USP6NL: variants seen among roughly 807,000 people sequenced by gnomAD.
The protein encoded by USP6NL is USP6 N-terminal-like protein.
USP6NL carries 26 observed loss-of-function variants against 61.9 expected under a neutral mutation model. The observed-to-expected ratio is 0.42, with a 90% CI of 0.31 to 0.58. The LOEUF is 0.58. Ranked by LOEUF, USP6NL falls within the 20% of genes least tolerant of loss-of-function variation. USP6NL has a pLI of 0.16. For synonymous variants in USP6NL, 432 were observed against 390.1 expected, an observed-to-expected ratio of 1.11 and a Z score of -1.27; for missense variants, 1,114 against 1,034.3, an observed-to-expected ratio of 1.08 and a Z score of -1.06.
In USP6NL at chr10:11,592,152, G is replaced by A. The variant is rs962362157; in HGVS notation, c.4+5479C>T. Among the ~76,000 whole-genome samples the A allele has an allele frequency of 1.3e-5, 2 of 152,176 alleles. No homozygotes were observed. The highest frequency in any genetic ancestry group is 2.4e-5 in the African/African-American group (1 of 41,436). ...CTCCCAAAGTATTGGCATTACAGCC[G>A]TGAGCCACCACACTCGGCCTCAGAA... On this transcript the variant is annotated intron_variant, in intron 2 of 14. Transcript: ENST00000609104. The surrounding 1 kb of genome is among the most constrained non-coding windows in gnomAD (Gnocchi z 4.7).
At chr10:11,471,308 T>C (rs1189266372) in intron 14 of USP6NL, among the ~76,000 whole-genome samples, 1 of 152,150 alleles carries the variant, frequency 6.6e-6, no homozygotes, top group Non-Finnish European at 1.5e-5. Context: ...ATGGCAATCA[T>C]TCAAAAGTCA....
chr10:11,553,118 T>C lies in USP6NL; in HGVS notation c.5-25551A>G, dbSNP rs1407347690. 6.6e-6 allele frequency among the ~76,000 whole-genome samples: 1 copy of C among 152,214 alleles called. No homozygotes were observed. The highest frequency in any genetic ancestry group is 2.4e-5 in the African/African-American group (1 of 41,462). On this transcript the variant is annotated intron_variant, in intron 2 of 14. Transcript: ENST00000609104. This position sits in a 1 kb window ranked among gnomAD's most constrained non-coding sequence, Gnocchi z 4.8. ...CCTTCACCCCTCTACCTGTAATTTC[T>C]CACTAAGTTTTTAATATTCTTTTCA...
At position 11,490,762 on chromosome 10, in the gene USP6NL, A is replaced by G; in HGVS notation, c.543+70T>C. The stretch of plus-strand genomic sequence containing the variant: ...CTCTGAGATGCAGAAATGTGCCCAC[A>G]GGGCCCTGCTAAGTAGGGAGTACCT... On this transcript the variant is annotated intron_variant, in intron 9 of 14. Coordinates refer to ENST00000609104, the MANE Select transcript of USP6NL (RefSeq NM_014688.5). The surrounding 1 kb of genome is among the most constrained non-coding windows in gnomAD (Gnocchi z 4.5). The G allele has an allele frequency of 6.9e-7, 1 of 1,445,322 alleles. No individual in the cohort carries two copies. Among genetic ancestry groups the G allele is most frequent in the Non-Finnish European group, 9.4e-7 (1 of 1,066,428 alleles). 89.5% of individuals were successfully genotyped at this position (1,445,322 alleles called of 1,614,324 possible). A position where few individuals can be genotyped will look rare whatever the true frequency, so the allele number is the denominator to read the frequency against.
chr10:11,546,677 A>G (rs1027409069), intron 2 of USP6NL, among the ~76,000 whole-genome samples: 2 of 152,098 alleles, frequency 1.3e-5, no homozygotes, highest in Non-Finnish European at 2.9e-5. Flanking sequence ...AGGCCTCCCA[A>G]AGCAATTTGG....
At chr10:11,569,245 T>A (rs1056649943) in intron 2 of USP6NL, among the ~76,000 whole-genome samples, 4 of 152,164 alleles carry the variant, frequency 2.6e-5, no homozygotes, top group African/African-American at 9.7e-5. Flanking sequence ...ATCTGAAATA[T>A]CTACAAAATA....
intron 2 of USP6NL, among the ~76,000 whole-genome samples, chr10:11,559,700 A>G (rs1836850475): frequency 6.6e-6 from 1 of 151,966 alleles, no homozygotes; most frequent in Non-Finnish European, 1.5e-5. Flanking sequence ...CTAACATCTT[A>G]TAAACATAAA....
intron 2 of USP6NL, among the ~76,000 whole-genome samples, chr10:11,534,008 T>C (rs1389714516): frequency 6.6e-6 from 1 of 152,154 alleles, no homozygotes; most frequent in Admixed American, 6.5e-5. Flanking sequence ...GTAGCAAGAA[T>C]CCTGCTAACT....
In USP6NL at chr10:11,530,237, C is replaced by T. The variant is rs116976777; in HGVS notation, c.5-2670G>A. Among the ~76,000 whole-genome samples the T allele has an allele frequency of 3.4e-3, 522 of 151,814 alleles. 12 individuals carry two copies. The East Asian group carries it at 0.045, about 13-fold the overall frequency. ...TCAGGCCAAATTCAATAGATGAATG[C>T]TTTATTGGAATGTCTTTTATACCAG... On this transcript the variant is annotated intron_variant, in intron 2 of 14. Transcript: ENST00000609104.
rs747385407 is a variant in USP6NL at position 11,493,236 on chromosome 10, GAGAA to G, written c.385-12_385-9del. The G allele has an allele frequency of 6.3e-7, 1 of 1,593,980 alleles. No individual in the cohort carries two copies. The highest frequency in any genetic ancestry group is 1.1e-5 in the South Asian group (1 of 88,072). On this transcript the variant is annotated splice_polypyrimidine_tract_variant and intron_variant, in intron 7 of 14. Coordinates refer to ENST00000609104, the MANE Select transcript of USP6NL (RefSeq NM_014688.5). Reference sequence around the variant, plus strand: ...TGCTCTGTGTTTTAATTTCTGAAGAGAGAAAGAGAGAACAGAACAGATTTTTATG... The same window carrying G: ...TGCTCTGTGTTTTAATTTCTGAAGAGAGAGAGAACAGAACAGATTTTTATG...
At chr10:11,471,923 T>G (rs1466307213) in intron 14 of USP6NL, among the ~76,000 whole-genome samples, 1 of 149,310 alleles carries the variant, frequency 6.7e-6, no homozygotes, top group South Asian at 2.1e-4. Flanking sequence ...CATGTATACA[T>G]ATGTAACAAA....
chr10:11,586,601 T>C (rs558569535), intron 2 of USP6NL, among the ~76,000 whole-genome samples: 7 of 152,266 alleles, frequency 4.6e-5, no homozygotes, highest in Admixed American at 3.3e-4. Context: ...TAGAAGATCA[T>C]AGGCAGAAAT....
chr10:11,498,469 T>C (rs1834041302), intron 7 of USP6NL, among the ~76,000 whole-genome samples: 1 of 151,830 alleles, frequency 6.6e-6, no homozygotes, highest in Non-Finnish European at 1.5e-5. Flanking sequence ...ATCCTACCCC[T>C]GCCACTTGCT....
intron 2 of USP6NL, among the ~76,000 whole-genome samples, chr10:11,529,397 T>C (rs187041327): frequency 6.6e-6 from 1 of 152,326 alleles, no homozygotes; most frequent in Admixed American, 6.5e-5. Context: ...AACAGACATA[T>C]CCTTACCCAG....
At chr10:11,503,926 T>G (rs1591855500) in intron 6 of USP6NL, among the ~76,000 whole-genome samples, 2 of 152,010 alleles carry the variant, frequency 1.3e-5, no homozygotes, top group African/African-American at 4.8e-5. Context: ...CGGCCCATGG[T>G]TTTGCCCAGC....
intron 2 of USP6NL, among the ~76,000 whole-genome samples, chr10:11,544,130 C>A (rs543179462): frequency 6.6e-6 from 1 of 151,796 alleles, no homozygotes. Flanking sequence ...GGTTTCTTTA[C>A]GGTAGCCCAA....
intron 14 of USP6NL, among the ~76,000 whole-genome samples, chr10:11,471,741 C>CT (rs1453237112): frequency 2.0e-5 from 3 of 148,696 alleles, no homozygotes; most frequent in Non-Finnish European, 4.4e-5. Flanking sequence ...ATACCAAATA[C>CT]TGCATGTTCT....
intron 2 of USP6NL, among the ~76,000 whole-genome samples, chr10:11,567,158 T>C (rs926583251): frequency 1.3e-5 from 2 of 152,234 alleles, no homozygotes; most frequent in African/African-American, 2.4e-5. Flanking sequence ...GCTTAAATAG[T>C]CCATTGCAGT....
intron 7 of USP6NL, among the ~76,000 whole-genome samples, chr10:11,494,348 C>T (rs1833824089): frequency 6.6e-6 from 1 of 152,156 alleles, no homozygotes; most frequent in African/African-American, 2.4e-5. Context: ...GTGAATCCTT[C>T]CAATCTTAAA....
intron 1 of USP6NL, among the ~76,000 whole-genome samples, chr10:11,607,897 T>C (rs1387573108): frequency 6.6e-6 from 1 of 152,208 alleles, no homozygotes; most frequent in Non-Finnish European, 1.5e-5. Flanking sequence ...GTCATATCAA[T>C]GTCAGCAAGA....
Sources: gnomAD v4.1 joint callset for allele counts (sites outside exome capture counted in the v4.1 genomes callset) on GRCh38, gnomAD v4.1.1 for gene constraint, Gnocchi (gnomAD v3.1) non-coding constraint, MANE v1.5 for transcripts, NCBI Gene and HGNC (gene_info 2026-07-23, HGNC 2026-07-21) for gene names.